The following INPP5A variants were observed in gnomAD, a reference collection of about 807,000 sequenced individuals.
The protein encoded by INPP5A is 43 kDa inositol polyphosphate 5-phophatase.
A neutral mutation model predicts 65.2 loss-of-function variants in INPP5A; 14 were observed. The ratio of observed to expected loss-of-function variants is 0.21; its 90% CI spans 0.14 to 0.34. INPP5A has a LOEUF of 0.34. Ranked by LOEUF, INPP5A falls within the 10% of genes least tolerant of loss-of-function variation. INPP5A has a pLI of 1.00. For synonymous variants in INPP5A, 207 were observed against 208.3 expected, an observed-to-expected ratio of 0.99 and a Z score of 0.05; for missense variants, 431 against 545.6, an observed-to-expected ratio of 0.79 and a Z score of 2.09.
intron 4 of INPP5A, among the ~76,000 whole-genome samples, chr10:132,686,325 A>G (rs963310395): frequency 1.3e-5 from 2 of 152,276 alleles, no homozygotes; most frequent in East Asian, 1.9e-4. Flanking sequence ...TCACTAATGC[A>G]GAATTAATGA....
At chr10:132,771,224 T>C (rs1383305430) in intron 12 of INPP5A, among the ~76,000 whole-genome samples, 1 of 152,180 alleles carries the variant, frequency 6.6e-6, no homozygotes, top group Non-Finnish European at 1.5e-5. Context: ...GAGGACTCCC[T>C]GGAGGCCTCA....
rs555177360 is a variant in INPP5A at position 132,538,362 on chromosome 10, G to C, written c.75+191G>C. On this transcript the variant is annotated intron_variant, in intron 1 of 15. Transcript: ENST00000368594. The surrounding 1 kb of genome is among the most constrained non-coding windows in gnomAD (Gnocchi z 4.1). ...GTCTGGGAGCCCAGACCCCTGTCTT[G>C]ATCCCCAAGCCCGAGACCTGAAGAC... Among the ~76,000 whole-genome samples, 2 of 152,112 alleles carry C rather than the reference G, an allele frequency of 1.3e-5. No homozygotes were observed. Among genetic ancestry groups the C allele is most frequent in the African/African-American group, 2.4e-5 (1 of 41,508 alleles).
Position 132,782,727 on chromosome 10 carries a change from A to G in INPP5A, c.*698A>G. Reference sequence around the variant, plus strand: ...TCAGCAGGCGGCATTGGAGTCTAGGAGCTCAGCTGTGTGTCCATCAACACA... The same window carrying G: ...TCAGCAGGCGGCATTGGAGTCTAGGGGCTCAGCTGTGTGTCCATCAACACA... On this transcript the variant is annotated 3_prime_UTR_variant, in exon 16 of 16. Transcript: ENST00000368594. The surrounding 1 kb of genome is among the most constrained non-coding windows in gnomAD (Gnocchi z 4.4). The G allele has an allele frequency of 6.6e-6, 1 of 152,460 alleles. No individual in the cohort carries two copies. The allele number at this position is 152,460 out of a possible 1,614,324, so 9.4% of individuals were successfully genotyped here. A position where few individuals can be genotyped will look rare whatever the true frequency, so the allele number is the denominator to read the frequency against.
At chr10:132,658,438 T>C (rs1303103943) in intron 4 of INPP5A, among the ~76,000 whole-genome samples, 1 of 152,178 alleles carries the variant, frequency 6.6e-6, no homozygotes, top group Non-Finnish European at 1.5e-5. Context: ...TTTGTACATT[T>C]AGGCTTGACT....
At chr10:132,763,123 A>C (rs1268861901) in intron 11 of INPP5A, among the ~76,000 whole-genome samples, 8 of 152,220 alleles carry the variant, frequency 5.3e-5, no homozygotes, top group Admixed American at 5.2e-4. Flanking sequence ...GAAATCTCGA[A>C]ACATGTTGTA....
At chr10:132,777,547 A>T in intron 12 of INPP5A, 124 bp from the exon 13 acceptor site, 1 of 773,718 alleles carries the variant, frequency 1.3e-6, no homozygotes, top group Non-Finnish European at 2.1e-6. Flanking sequence ...CCATGTGTGT[A>T]TTCATTCCCC....
intron 1 of INPP5A, among the ~76,000 whole-genome samples, chr10:132,544,549 G>A (rs1286960400): frequency 6.6e-6 from 1 of 152,154 alleles, no homozygotes; most frequent in East Asian, 1.9e-4. Context: ...TGTCTGCCGG[G>A]CAGGGAGGGT....
intron 2 of INPP5A, among the ~76,000 whole-genome samples, chr10:132,638,815 G>T (rs1239403239): frequency 6.6e-6 from 1 of 152,118 alleles, no homozygotes; most frequent in Non-Finnish European, 1.5e-5. Flanking sequence ...TGATCCACCC[G>T]CCTCGGCCTC....
At position 132,642,606 on chromosome 10, in the gene INPP5A, G is replaced by A. The variant is rs113286375; in HGVS notation, c.118-3262G>A. On this transcript the variant is annotated intron_variant, in intron 2 of 15. Coordinates refer to ENST00000368594, the MANE Select transcript of INPP5A (RefSeq NM_005539.5). Reference sequence around the variant, plus strand: ...GCCCCCTCTCCTCCCCTGTCACTCCGGGAGCAGGGGTCCCCTCTGTTTGAG... The same window carrying A: ...GCCCCCTCTCCTCCCCTGTCACTCCAGGAGCAGGGGTCCCCTCTGTTTGAG... Among the ~76,000 whole-genome samples the A allele has an allele frequency of 8.1e-3, 1,233 of 152,302 alleles. 15 individuals carry two copies. The highest frequency in any genetic ancestry group is 0.028 in the African/African-American group (1,182 of 41,556).
rs2072760759 is a variant in INPP5A at position 132,663,350 on chromosome 10, T to C, written c.306+12845T>C. 6.6e-6 allele frequency among the ~76,000 whole-genome samples: 1 copy of C among 151,996 alleles called. No individual in the cohort carries two copies. The highest frequency in any genetic ancestry group is 1.5e-5 in the Non-Finnish European group (1 of 67,994). On this transcript the variant is annotated intron_variant, in intron 4 of 15. Transcript: ENST00000368594. This position sits in a 1 kb window ranked among gnomAD's most constrained non-coding sequence, Gnocchi z 4.5. ...GATCCTGTGGCCTCAGCCTCCCAAG[T>C]AGCTGAGGATACAGGTGTGCATCAC...
intron 4 of INPP5A, among the ~76,000 whole-genome samples, chr10:132,664,733 C>T (rs745961724): frequency 1.3e-5 from 2 of 152,214 alleles, no homozygotes; most frequent in African/African-American, 2.4e-5. Context: ...TGCCATTTGG[C>T]TTGGCACCTG....
At chr10:132,724,243 A>C (rs1190503934) in intron 8 of INPP5A, among the ~76,000 whole-genome samples, 3 of 152,258 alleles carry the variant, frequency 2.0e-5, no homozygotes. Context: ...GTTGAGATAC[A>C]GACTTGGTGG....
chr10:132,635,861 A>C (rs1175652515), intron 2 of INPP5A, among the ~76,000 whole-genome samples: 2 of 151,850 alleles, frequency 1.3e-5, no homozygotes, highest in Non-Finnish European at 2.9e-5. Context: ...TTGTCCCAGC[A>C]TCAGGAGGCT....
At chr10:132,689,304 G>T (rs777138579) in intron 4 of INPP5A, among the ~76,000 whole-genome samples, 1 of 152,170 alleles carries the variant, frequency 6.6e-6, no homozygotes, top group African/African-American at 2.4e-5. Flanking sequence ...CTCCCTGCAG[G>T]CAGCCCCTGC....
intron 2 of INPP5A, among the ~76,000 whole-genome samples, chr10:132,638,925 T>TA (rs1306166274): frequency 6.6e-6 from 1 of 152,216 alleles, no homozygotes; most frequent in Non-Finnish European, 1.5e-5. Context: ...TCTCTCTATA[T>TA]AAGTTACATA....
At chr10:132,668,009 A>G (rs1010434897) in intron 4 of INPP5A, among the ~76,000 whole-genome samples, 1 of 152,232 alleles carries the variant, frequency 6.6e-6, no homozygotes, top group African/African-American at 2.4e-5. Context: ...AAGTACATTG[A>G]ACATAAGTTG....
chr10:132,581,587 G>A (rs935599522), intron 1 of INPP5A, among the ~76,000 whole-genome samples: 2 of 152,160 alleles, frequency 1.3e-5, no homozygotes, highest in Non-Finnish European at 1.5e-5. Context: ...CTTCTGGCGG[G>A]TGTGCAGTGG....
At chr10:132,774,866 AGGGGCAGGGAGGAGAGGCAGGGAG>A (rs1847020683) in intron 12 of INPP5A, among the ~76,000 whole-genome samples, 3 of 62,278 alleles carry the variant, frequency 4.8e-5, no homozygotes, top group East Asian at 4.4e-4. Context: ...GGCAGGGAGG[AGGGGCAGGGAGGAGAGGCAGGGAG>A]GAGGGGCAGG....
intron 5 of INPP5A, among the ~76,000 whole-genome samples, chr10:132,693,548 A>G (rs1178945352): frequency 1.3e-5 from 2 of 152,236 alleles, no homozygotes; most frequent in African/African-American, 2.4e-5. Flanking sequence ...ATATTAATTT[A>G]TAGCATCAAA....
Sources: allele counts gnomAD v4.1 joint callset (sites outside exome capture counted in the v4.1 genomes callset), GRCh38; gene constraint gnomAD v4.1.1; non-coding constraint Gnocchi (gnomAD v3.1); transcripts MANE v1.5; gene names NCBI Gene and HGNC (gene_info 2026-07-23, HGNC 2026-07-21).